GNAS-AS1: variants seen among roughly 807,000 people sequenced by gnomAD.
The protein encoded by GNAS-AS1 is GNAS antisense RNA 1 (non-protein coding).
At position 58,840,850 on chromosome 20, in the gene GNAS-AS1, G is replaced by A; in HGVS notation, n.819+1087C>T. 6.2e-7 allele frequency: 1 copy of A among 1,612,882 alleles called. No homozygotes were observed. The highest frequency in any genetic ancestry group is 1.7e-5 in the Admixed American group (1 of 60,026). Reference sequence around the variant, plus strand: ...TCCCCATCCGGCGTCACTAATGGAGGACGCCGTCCAGATTCTCCTTGTTTT... The same window carrying A: ...TCCCCATCCGGCGTCACTAATGGAGAACGCCGTCCAGATTCTCCTTGTTTT... On this transcript the variant is annotated intron_variant and non_coding_transcript_variant, in intron 4 of 4. Transcript: ENST00000424094. This position sits in a 1 kb window ranked among gnomAD's most constrained non-coding sequence, Gnocchi z 6.0.
intron 4 of GNAS-AS1, among the ~76,000 whole-genome samples, chr20:58,819,501 C>A (rs542525074): frequency 6.6e-6 from 1 of 152,234 alleles, no homozygotes; most frequent in Admixed American, 6.5e-5. Context: ...AAAACATGGC[C>A]CTTTTTCTGA....
Position 58,840,416 on chromosome 20 carries a change from G to A in GNAS-AS1, n.819+1521C>T. ...GTCCCTCCCCGAGTGCCTAGAGTACGAGGAAGAGTTCGACTACGAGACCGA... is the reference window on the plus strand; with the variant it reads ...GTCCCTCCCCGAGTGCCTAGAGTACAAGGAAGAGTTCGACTACGAGACCGA... On this transcript the variant is annotated intron_variant and non_coding_transcript_variant, in intron 4 of 4. Transcript: ENST00000424094. The surrounding 1 kb of genome is among the most constrained non-coding windows in gnomAD (Gnocchi z 6.0). 2 of 1,613,620 alleles carry A rather than the reference G, an allele frequency of 1.2e-6. No homozygotes were observed. Among genetic ancestry groups the A allele is most frequent in the Non-Finnish European group, 1.7e-6 (2 of 1,179,942 alleles).
At chr20:58,839,058 C>T (rs934746689) in intron 4 of GNAS-AS1, 5 of 398,378 alleles carry the variant, frequency 1.3e-5, no homozygotes, top group Middle Eastern at 6.2e-4. Context: ...TTCCCTTTAC[C>T]CATGCTCTCA....
intron 4 of GNAS-AS1, among the ~76,000 whole-genome samples, chr20:58,830,821 A>C (rs1389697792): frequency 6.6e-6 from 1 of 151,644 alleles, no homozygotes; most frequent in African/African-American, 2.4e-5. Flanking sequence ...GTGTGATCCC[A>C]AATCTGGCTT....
intron 4 of GNAS-AS1, among the ~76,000 whole-genome samples, chr20:58,837,782 A>C (rs1206872880): frequency 6.6e-6 from 1 of 152,208 alleles, no homozygotes; most frequent in Admixed American, 6.5e-5. Flanking sequence ...ACAGAGTGCA[A>C]GATACAAGCT....
chr20:58,830,414 TCACCACCACCGCCA>T (rs2085552752), intron 4 of GNAS-AS1, among the ~76,000 whole-genome samples: 4 of 55,958 alleles, frequency 7.1e-5, no homozygotes, highest in African/African-American at 2.9e-4. Context: ...CACACCACCA[TCACCACCACCGCCA>T]CACCACCATC....
intron 4 of GNAS-AS1, among the ~76,000 whole-genome samples, chr20:58,821,274 T>G (rs1231740389): frequency 6.6e-6 from 1 of 152,064 alleles, no homozygotes; most frequent in Non-Finnish European, 1.5e-5. Flanking sequence ...GGCTGTCCCC[T>G]CTGTCCAGTG....
intron 4 of GNAS-AS1, among the ~76,000 whole-genome samples, chr20:58,819,544 T>G (rs1410470815): frequency 6.6e-6 from 1 of 152,146 alleles, no homozygotes; most frequent in East Asian, 1.9e-4. Flanking sequence ...GAAATGGGTG[T>G]GGAGTCCCAA....
At chr20:58,831,819 A>C (rs1039307312) in intron 4 of GNAS-AS1, among the ~76,000 whole-genome samples, 3 of 152,238 alleles carry the variant, frequency 2.0e-5, no homozygotes, top group African/African-American at 7.2e-5. Flanking sequence ...TTCTAGAAAG[A>C]AATGATATCA....
Position 58,827,847 on chromosome 20 carries a change from G to A in GNAS-AS1, n.820-8592C>T, listed in dbSNP as rs541460540. ...AGGTGATGTATGAAAACTGTGGCTG[G>A]TGCAGGGTCATCAAAGCAGACATTA... On this transcript the variant is annotated intron_variant and non_coding_transcript_variant, in intron 4 of 4. Coordinates refer to ENST00000424094, the Ensembl canonical transcript of GNAS-AS1. Among the ~76,000 whole-genome samples, 16 of 152,332 alleles carry A rather than the reference G, an allele frequency of 1.1e-4. No individual in the cohort carries two copies. The South Asian group carries it at 3.3e-3, about 32-fold the overall frequency.
intron 4 of GNAS-AS1, among the ~76,000 whole-genome samples, chr20:58,828,115 A>G (rs907323684): frequency 2.6e-5 from 4 of 152,230 alleles, no homozygotes; most frequent in African/African-American, 7.2e-5. Flanking sequence ...GGAACAACCA[A>G]GAGAAAAAGA....
chr20:58,824,993 G>A (rs921507457), intron 4 of GNAS-AS1, among the ~76,000 whole-genome samples: 10 of 152,140 alleles, frequency 6.6e-5, no homozygotes, highest in African/African-American at 2.2e-4. Flanking sequence ...AGAAGTGCCC[G>A]GGCTCATCTC....
intron 4 of GNAS-AS1, among the ~76,000 whole-genome samples, chr20:58,830,266 TCAC>T (rs1326281471): frequency 1.8e-5 from 1 of 56,044 alleles, no homozygotes; most frequent in Non-Finnish European, 3.7e-5. Context: ...CGCCACACCA[TCAC>T]CACCACCGCC....
chr20:58,830,221 A>C (rs2085546340), intron 4 of GNAS-AS1, among the ~76,000 whole-genome samples: 1 of 140,494 alleles, frequency 7.1e-6, no homozygotes, highest in Non-Finnish European at 1.6e-5. Context: ...CCACCACCAC[A>C]CCACCATCAC....
chr20:58,841,284 C>A lies in GNAS-AS1; in HGVS notation n.819+653G>T. On this transcript the variant is annotated intron_variant and non_coding_transcript_variant, in intron 4 of 4. Transcript: ENST00000424094. This position sits in a 1 kb window ranked among gnomAD's most constrained non-coding sequence, Gnocchi z 5.0. ...AAAGACTAGTCTCAAATAAGTTGGCCTTCTCAGGTGTCCAAAATGTGGTTC... is the reference window on the plus strand; with the variant it reads ...AAAGACTAGTCTCAAATAAGTTGGCATTCTCAGGTGTCCAAAATGTGGTTC... 1 of 1,072,652 alleles carries A rather than the reference C, an allele frequency of 9.3e-7. No homozygotes were observed. Among genetic ancestry groups the A allele is most frequent in the Non-Finnish European group, 1.1e-6 (1 of 879,832 alleles). The allele number at this position is 1,072,652 out of a possible 1,614,324, so 66.4% of individuals were successfully genotyped here. A position where few individuals can be genotyped will look rare whatever the true frequency, so the allele number is the denominator to read the frequency against.
chr20:58,822,893 C>T (rs974176881), intron 4 of GNAS-AS1, among the ~76,000 whole-genome samples: 8 of 152,142 alleles, frequency 5.3e-5, no homozygotes, highest in African/African-American at 1.9e-4. Flanking sequence ...TGTTCCCGAC[C>T]TAGGGCTGGG....
At chr20:58,824,219 G>GTT in intron 4 of GNAS-AS1, 2 of 397,128 alleles carry the variant, frequency 5.0e-6, no homozygotes, top group Non-Finnish European at 8.9e-6. Context: ...AAGAAAAGGT[G>GTT]TGGTGACAGA....
chr20:58,830,600 C>T (rs2085561367), intron 4 of GNAS-AS1, among the ~76,000 whole-genome samples: 1 of 140,754 alleles, frequency 7.1e-6, no homozygotes, highest in Non-Finnish European at 1.5e-5. Flanking sequence ...ATCACCACCA[C>T]CACCATCACC....
intron 4 of GNAS-AS1, among the ~76,000 whole-genome samples, chr20:58,822,307 T>C (rs1376433425): frequency 6.6e-6 from 1 of 152,152 alleles, no homozygotes; most frequent in Admixed American, 6.5e-5. Context: ...CAAGTGCAAA[T>C]GCCTAAGGAG....
Sources: allele counts gnomAD v4.1 joint callset (sites outside exome capture counted in the v4.1 genomes callset), GRCh38; gene constraint gnomAD v4.1.1; non-coding constraint Gnocchi (gnomAD v3.1); transcripts MANE v1.5; gene names NCBI Gene and HGNC (gene_info 2026-07-23, HGNC 2026-07-21).